LDLRAD3: variants seen among roughly 807,000 people sequenced by gnomAD.
LDLRAD3 encodes the protein low density lipoprotein receptor class A domain containing 3.
LDLRAD3 carries 20 observed loss-of-function variants against 29.4 expected under a neutral mutation model. The observed-to-expected ratio is 0.68, with a 90% confidence interval of 0.48 to 0.99. The LOEUF (loss-of-function observed/expected upper bound fraction) is 0.99. Among genes scored for constraint, LDLRAD3 ranks in the 50% least tolerant of loss-of-function variants. The pLI, the probability that LDLRAD3 is intolerant of heterozygous loss-of-function variation, is 0.00. For missense variants in LDLRAD3, 420 were observed against 454.3 expected (o/e 0.92, Z 0.69); for synonymous variants, 157 against 192.7 (o/e 0.81, Z 1.53).
intron 4 of LDLRAD3, among the ~76,000 whole-genome samples, chr11:36,153,877 T>G (rs1854309745): frequency 6.6e-6 from 1 of 152,136 alleles, no homozygotes; most frequent in Non-Finnish European, 1.5e-5. Context: ...ATCGATAGAC[T>G]AACAAGAGGT....
At chr11:36,207,221 C>T (rs1405095) in intron 4 of LDLRAD3, among the ~76,000 whole-genome samples, 10,185 of 152,164 alleles carry the variant, frequency 0.067, 441 homozygotes, top group East Asian at 0.17. Context: ...TTCCTGGGCA[C>T]GTGGACTTCT....
At chr11:36,136,673 G>A (rs1181883826) in intron 4 of LDLRAD3, among the ~76,000 whole-genome samples, 1 of 151,520 alleles carries the variant, frequency 6.6e-6, no homozygotes, top group Non-Finnish European at 1.5e-5. Flanking sequence ...TGTAAAGCCT[G>A]CAGAACTGTG....
intron 1 of LDLRAD3, among the ~76,000 whole-genome samples, chr11:35,958,038 C>G (rs1024422438): frequency 2.8e-4 from 42 of 152,074 alleles, no homozygotes; most frequent in Non-Finnish European, 3.5e-4. Context: ...ACACTGGAGA[C>G]TAACAAAATG....
intron 4 of LDLRAD3, among the ~76,000 whole-genome samples, chr11:36,162,814 C>G (rs1337804983): frequency 6.6e-6 from 1 of 152,326 alleles, no homozygotes; most frequent in Admixed American, 6.5e-5. Flanking sequence ...TTTTAAAATG[C>G]ATTGGCTAAC....
intron 3 of LDLRAD3, among the ~76,000 whole-genome samples, chr11:36,091,144 A>C (rs1043450445): frequency 7.2e-5 from 11 of 152,160 alleles, no homozygotes; most frequent in African/African-American, 2.7e-4. Flanking sequence ...CTGGGAAGAC[A>C]AGGACTGTGT....
chr11:36,113,336 C>T (rs1414445069), intron 4 of LDLRAD3, among the ~76,000 whole-genome samples: 2 of 152,024 alleles, frequency 1.3e-5, no homozygotes, highest in African/African-American at 4.8e-5. Flanking sequence ...TTTAGGCCAA[C>T]AGGGAGCTCT....
chr11:36,206,916 C>T (rs1378487685), intron 4 of LDLRAD3, among the ~76,000 whole-genome samples: 2 of 151,892 alleles, frequency 1.3e-5, no homozygotes, highest in African/African-American at 2.4e-5. Context: ...TTAGTAGAGA[C>T]GGGTTTTCAC....
At chr11:36,170,313 C>CTTATATAT (rs146629970) in intron 4 of LDLRAD3, among the ~76,000 whole-genome samples, 1 of 145,552 alleles carries the variant, frequency 6.9e-6, no homozygotes, top group African/African-American at 2.5e-5. Flanking sequence ...TACATATATA[C>CTTATATAT]GTATATATGT....
At chr11:35,945,855 G>A (rs1018325383) in intron 1 of LDLRAD3, among the ~76,000 whole-genome samples, 10 of 152,178 alleles carry the variant, frequency 6.6e-5, no homozygotes, top group African/African-American at 2.2e-4. Context: ...CTGGTCAGCA[G>A]TGGCTATTTA....
In LDLRAD3 at chr11:36,103,633, G is replaced by T. The variant is rs796348920; in HGVS notation, c.454+5172G>T. Among the ~76,000 whole-genome samples the T allele has an allele frequency of 2.1e-4, 32 of 152,290 alleles. 1 individual carries two copies. The highest frequency in any genetic ancestry group is 7.7e-4 in the African/African-American group (32 of 41,568). On this transcript the variant is annotated intron_variant, in intron 4 of 5. Transcript: ENST00000315571. ...GTGAAAAGACTCCCAAGTCTAAGAC[G>T]TGGAGGTTAGGCGTGCCGAAGGTTT... is the stretch of plus-strand genomic sequence containing the variant.
intron 2 of LDLRAD3, among the ~76,000 whole-genome samples, chr11:36,073,230 A>G (rs1358255094): frequency 6.6e-6 from 1 of 152,234 alleles, no homozygotes; most frequent in Non-Finnish European, 1.5e-5. Context: ...AAGTGGGGAC[A>G]TGACTTAGAT....
intron 4 of LDLRAD3, among the ~76,000 whole-genome samples, chr11:36,185,300 T>C (rs953124): frequency 0.048 from 7,362 of 152,244 alleles, 572 homozygotes; most frequent in African/African-American, 0.16. Context: ...GACCAAGTCT[T>C]AAAGCACCAG....
At chr11:36,134,424 T>G (rs1268812399) in intron 4 of LDLRAD3, among the ~76,000 whole-genome samples, 1 of 152,242 alleles carries the variant, frequency 6.6e-6, no homozygotes, top group Non-Finnish European at 1.5e-5. Flanking sequence ...CTTAGGCTGC[T>G]TAATCATAGA....
intron 4 of LDLRAD3, among the ~76,000 whole-genome samples, chr11:36,144,969 C>A (rs374077920): frequency 1.3e-5 from 1 of 78,890 alleles, no homozygotes; most frequent in Non-Finnish European, 2.7e-5. Context: ...CGCCCCGTCC[C>A]GGAAGGAGGT....
chr11:36,079,026 G>C (rs756831545), intron 2 of LDLRAD3, among the ~76,000 whole-genome samples: 1 of 152,168 alleles, frequency 6.6e-6, no homozygotes, highest in Non-Finnish European at 1.5e-5. Flanking sequence ...ATCCTACCAG[G>C]CCGTGTGAGG....
At chr11:36,123,608 G>C (rs1853792452) in intron 4 of LDLRAD3, among the ~76,000 whole-genome samples, 2 of 152,232 alleles carry the variant, frequency 1.3e-5, no homozygotes, top group Admixed American at 1.3e-4. Flanking sequence ...AAGGTGGCAT[G>C]GCCAAGTGCA....
intron 1 of LDLRAD3, among the ~76,000 whole-genome samples, chr11:35,970,770 A>G (rs1851402099): frequency 6.6e-6 from 1 of 152,220 alleles, no homozygotes; most frequent in Non-Finnish European, 1.5e-5. Context: ...TGGAGCCAGC[A>G]AGGTGGTAAC....
At chr11:36,203,286 A>G (rs943450166) in intron 4 of LDLRAD3, among the ~76,000 whole-genome samples, 2 of 152,156 alleles carry the variant, frequency 1.3e-5, no homozygotes, top group Non-Finnish European at 2.9e-5. Context: ...CATACTTTAT[A>G]ACGACCATGT....
chr11:36,108,312 T>C (rs1853559239), intron 4 of LDLRAD3, among the ~76,000 whole-genome samples: 2 of 72,006 alleles, frequency 2.8e-5, no homozygotes, highest in African/African-American at 6.2e-5. Context: ...AGAGCGAGAC[T>C]CCATCTCAAA....
Sources: gnomAD v4.1 joint callset for allele counts (sites outside exome capture counted in the v4.1 genomes callset) on GRCh38, gnomAD v4.1.1 for gene constraint, MANE v1.5 for transcripts, NCBI Gene and HGNC (gene_info 2026-07-23, HGNC 2026-07-21) for gene names.